ROGDI: variants seen among roughly 807,000 people sequenced by gnomAD.
The protein encoded by ROGDI is rogdi atypical leucine zipper, also known as protein rogdi homolog.
A neutral mutation model predicts 43.1 loss-of-function variants in ROGDI; 46 were observed. The observed-to-expected ratio is 1.07, with a 90% CI of 0.84 to 1.37. ROGDI has a LOEUF of 1.37. Among genes scored for constraint, ROGDI ranks in the 40% most tolerant of loss-of-function variants. ROGDI has a pLI of 0.00. For synonymous variants in ROGDI, 243 were observed against 162.0 expected (o/e 1.50, Z -3.80); for missense variants, 518 against 383.9 (o/e 1.35, Z -2.92).
intron 6 of ROGDI, 124 bp downstream of exon 6, chr16:4,799,562 G>C (rs2082692718): frequency 1.6e-6 from 1 of 632,494 alleles, no homozygotes; most frequent in Non-Finnish European, 2.8e-6. Flanking sequence ...GAGACACAGA[G>C]TCGGCAGGTA....
In ROGDI at chr16:4,802,601, C is replaced by A; in HGVS notation, c.-30G>T. On this transcript the variant is annotated 5_prime_UTR_variant, in exon 1 of 11. Transcript: ENST00000322048. ...GCAGGCCGCCGCCGAGCGCCCTCCC[C>A]ACCGGCCGCTGCTCCTGTCCACCAA... 7.7e-7 allele frequency: 1 copy of A among 1,301,342 alleles called. No individual in the cohort carries two copies. Among genetic ancestry groups the A allele is most frequent in the East Asian group, 3.1e-5 (1 of 32,358 alleles). The allele number at this position is 1,301,342 out of a possible 1,614,324, so 80.6% of individuals were successfully genotyped here.
At chr16:4,798,368 T>C (rs2082680188) in intron 7 of ROGDI, 184 bp from the exon 8 acceptor site, 1 of 701,922 alleles carries the variant, frequency 1.4e-6, no homozygotes, top group African/African-American at 1.8e-5. Context: ...GCTGTCAGGT[T>C]TGGGAACCAC....
chr16:4,797,297 C>T lies in ROGDI; in HGVS notation c.*163G>A, dbSNP rs1567595492. 1.5e-6 allele frequency: 1 copy of T among 660,460 alleles called. No individual in the cohort carries two copies. Among genetic ancestry groups the T allele is most frequent in the Non-Finnish European group, 2.5e-6 (1 of 392,886 alleles). 40.9% of individuals were successfully genotyped at this position (660,460 alleles called of 1,614,324 possible). On this transcript the variant is annotated 3_prime_UTR_variant, in exon 11 of 11. Transcript: ENST00000322048. ...CCAAACCAGCCTTCCTTCCTCCTGG[C>T]ACTTCCAGTGTCCATTCCCGGCAGT...
intron 5 of ROGDI, 51 bp downstream of exon 5, chr16:4,800,447 T>C (rs1596277058): frequency 6.9e-7 from 1 of 1,456,524 alleles, no homozygotes; most frequent in Non-Finnish European, 9.4e-7. Context: ...GCGGCAGGCC[T>C]GCTGCCGCCT....
At chr16:4,798,722 G>T in intron 6 of ROGDI, 55 bp from the exon 7 acceptor site, 1 of 1,399,992 alleles carries the variant, frequency 7.1e-7, no homozygotes, top group Non-Finnish European at 9.8e-7. Context: ...ATGCATTAAG[G>T]AACAACAGAC....
chr16:4,797,882 C>G, intron 9 of ROGDI, 42 bp from the exon 10 acceptor site: 1 of 1,607,306 alleles, frequency 6.2e-7, no homozygotes, highest in Non-Finnish European at 8.5e-7. Context: ...TCCCGGCCCT[C>G]CAGGTGTGGA....
In ROGDI at chr16:4,798,625, G is replaced by A. The variant is rs1437369428; in HGVS notation, c.475C>T (p.Arg159Trp). 8 of 1,574,326 alleles carry A rather than the reference G, an allele frequency of 5.1e-6. No homozygotes were observed. The highest frequency in any genetic ancestry group is 1.9e-5 in the Admixed American group (1 of 53,342). ...GTGAGGGTGGCGGGGGTGGTGAGCC[G>A]GTTTCGGGCTCTGGTCAGCTGCAGC... ...VMLQLTRARN[R>W]LTTPATLTLP... Residue 159 changes from arginine to tryptophan, a missense_variant, in exon 7 of 11, where the codon CGG becomes TGG. Physicochemically the swap from Arg to Trp is moderately radical, Grantham distance 101. Transcript: ENST00000322048.
chr16:4,800,233 C>T (rs1596276928), intron 5 of ROGDI, among the ~76,000 whole-genome samples: 1 of 152,296 alleles, frequency 6.6e-6, no homozygotes, highest in East Asian at 1.9e-4. Context: ...GCTTCTGAAC[C>T]ATCTCATCCA....
rs1313526724 is a variant in ROGDI at position 4,801,702 on chromosome 16, C to T, written c.118-117G>A. 9.1e-6 allele frequency: 9 copies of T among 987,576 alleles called. No individual in the cohort carries two copies. In the Admixed American group the frequency reaches 1.3e-4, roughly 14 times the overall value. 61.2% of individuals were successfully genotyped at this position (987,576 alleles called of 1,614,324 possible). ...GGGGGGAAGGAACAACGTGGCCTGG[C>T]CTCACCTGGGTTCAGCTGGGGTGGG... On this transcript the variant is annotated intron_variant, in intron 2 of 10. Transcript: ENST00000322048.
intron 2 of ROGDI, 82 bp from the exon 3 acceptor site, chr16:4,801,667 C>G (rs1421589567): frequency 7.6e-7 from 1 of 1,323,172 alleles, no homozygotes; most frequent in Non-Finnish European, 1.1e-6. Flanking sequence ...CCCCCTCCCT[C>G]CAAGTCAGCG....
chr16:4,802,210 A>C, intron 2 of ROGDI, 172 bp downstream of exon 2: 4 of 659,710 alleles, frequency 6.1e-6, no homozygotes, highest in Non-Finnish European at 8.1e-6. Context: ...GCCCGCACAC[A>C]GGTACTTATA....
In ROGDI at chr16:4,801,316, T is replaced by A. The variant is rs1268071017; in HGVS notation, c.206A>T (p.Asp69Val). Residue 69 changes from aspartate (D) to valine (V), a missense_variant, in exon 4 of 11, where the codon GAC (aspartate) becomes GTC (valine). Physicochemically the swap from Asp to Val is radical, Grantham distance 152. Coordinates refer to ENST00000322048, the MANE Select transcript of ROGDI (RefSeq NM_024589.3). The stretch of plus-strand genomic sequence containing the variant: ...CAGAGTCAGCACACCCTTCACCTGG[T>A]CTGTGCTGTAACATGTGGCGTCAGA... Reference protein sequence around the residue: ...ENFILGSCGTDQVKGVLTLQG... With the variant: ...ENFILGSCGTVQVKGVLTLQG... 2 of 1,608,060 alleles carry A rather than the reference T, an allele frequency of 1.2e-6. No homozygotes were observed. Among genetic ancestry groups the A allele is most frequent in the East Asian group, 4.5e-5 (2 of 44,746 alleles).
At position 4,798,562 on chromosome 16, in the gene ROGDI, C is replaced by T. The variant is rs1449709890; in HGVS notation, c.531+7G>A. ...CTCCTGCAGCAGGGGCTGGCAGGGG[C>T]ACTGACCGTGAGGCCGCTGGCGGCG... is the stretch of plus-strand genomic sequence containing the variant. On this transcript the variant is annotated splice_region_variant and intron_variant, in intron 7 of 10. Transcript: ENST00000322048. 1 of 1,546,154 alleles carries T rather than the reference C, an allele frequency of 6.5e-7. No individual in the cohort carries two copies. Among genetic ancestry groups the T allele is most frequent in the Admixed American group, 2.0e-5 (1 of 49,818 alleles).
chr16:4,797,614 G>T (rs896130978), intron 10 of ROGDI, 100 bp downstream of exon 10: 21 of 522,632 alleles, frequency 4.0e-5, no homozygotes, highest in Non-Finnish European at 5.6e-5. Context: ...GCCTCGCAGT[G>T]CTGTGGGGTA....
intron 7 of ROGDI, 146 bp downstream of exon 7, chr16:4,798,423 G>A (rs535235986): frequency 2.7e-6 from 2 of 744,016 alleles, no homozygotes; most frequent in South Asian, 3.7e-5. Context: ...CAGGACGGAA[G>A]CCAAGGACCC....
intron 4 of ROGDI, chr16:4,801,034 G>A (rs2082709155): frequency 3.9e-6 from 2 of 511,470 alleles, no homozygotes; most frequent in Admixed American, 3.6e-5. Context: ...TCACTGGTCC[G>A]GACGCCAGGC....
Position 4,801,269 on chromosome 16 carries a change from C to G in ROGDI, c.253G>C (p.Ala85Pro). ...GGGGACAGGGCCGGGGGACTCACCG[C>G]CTGGCTGAGGGCATCCCCCTGCAGA... ...LTLQGDALSQ[A>P]DVNLKMPRNN... The change falls in exon 4 of 11, where the codon GCG becomes CCG. Residue 85 changes from alanine (A) to proline (P), a missense_variant and splice_region_variant. Ala to Pro is a conservative substitution (Grantham distance 27, BLOSUM62 -1). Coordinates refer to ENST00000322048, the MANE Select transcript of ROGDI (RefSeq NM_024589.3). 6.2e-7 allele frequency: 1 copy of G among 1,605,650 alleles called. No individual in the cohort carries two copies. Among genetic ancestry groups the G allele is most frequent in the Non-Finnish European group, 8.5e-7 (1 of 1,174,556 alleles).
At position 4,802,464 on chromosome 16, in the gene ROGDI, G is replaced by GACCCGGCGGTCGC; in HGVS notation, c.46-24_46-12dup. ...GCGGAACTCCTCCTCCTGCGGGACA[G>GACCCGGCGGTCGC]ACCCGGCGGTCGCGCCCGGCCCCGC... On this transcript the variant is annotated splice_polypyrimidine_tract_variant and intron_variant, in intron 1 of 10. Coordinates refer to ENST00000322048, the MANE Select transcript of ROGDI (RefSeq NM_024589.3). The GACCCGGCGGTCGC allele has an allele frequency of 7.9e-7, 1 of 1,265,884 alleles. No individual in the cohort carries two copies. The highest frequency in any genetic ancestry group is 9.9e-7 in the Non-Finnish European group (1 of 1,008,634). 78.4% of individuals were successfully genotyped at this position (1,265,884 alleles called of 1,614,324 possible).
At chr16:4,797,576 G>T in intron 10 of ROGDI, 75 bp from the exon 11 acceptor site, 1 of 683,798 alleles carries the variant, frequency 1.5e-6, no homozygotes, top group East Asian at 4.7e-5. Flanking sequence ...GGTCACCCAA[G>T]GACAATATGT....
Sources: gnomAD v4.1 joint callset for allele counts (sites outside exome capture counted in the v4.1 genomes callset) on GRCh38, gnomAD v4.1.1 for gene constraint, MANE v1.5 for transcripts, NCBI Gene and HGNC (gene_info 2026-07-23, HGNC 2026-07-21) for gene names.